The following CDH13 variants were observed in gnomAD, a reference collection of about 807,000 sequenced individuals.
CDH13 encodes cadherin-13.
Under a neutral mutation model 63.8 loss-of-function variants are expected in CDH13, and 24 were observed. The ratio of observed to expected loss-of-function variants is 0.38; its 90% CI spans 0.27 to 0.53. CDH13 has a LOEUF of 0.53. CDH13 is among the 20% of genes least tolerant of loss of function. The probability of loss-of-function intolerance (pLI) is 0.85; values close to 1 mark genes in which losing one functional copy is unlikely to be tolerated. For missense variants in CDH13, 1,049 were observed against 903.1 expected, an observed-to-expected ratio of 1.16 and a Z score of -2.07; for synonymous variants, 503 against 355.3, an observed-to-expected ratio of 1.42 and a Z score of -4.67.
intron 7 of CDH13, among the ~76,000 whole-genome samples, chr16:83,546,797 C>T (rs933011209): frequency 3.3e-5 from 5 of 152,168 alleles, no homozygotes; most frequent in Non-Finnish European, 5.9e-5. Context: ...CAGTTGATGT[C>T]AGTTGGTGCC....
rs139555793 is a variant in CDH13 at position 82,944,615 on chromosome 16, T to C, written c.157+86142T>C. Among the ~76,000 whole-genome samples the C allele has an allele frequency of 3.5e-3, 536 of 152,258 alleles. 5 individuals carry two copies. Among genetic ancestry groups the C allele is most frequent in the African/African-American group, 0.012 (511 of 41,540 alleles). ...CAGGGGTGGTGTTAACATCCTACAA[T>C]ATACAGGACTGCCTATCATAGCAGA... On this transcript the variant is annotated intron_variant, in intron 2 of 13. Coordinates refer to ENST00000567109, the MANE Select transcript of CDH13 (RefSeq NM_001257.5).
Position 82,719,600 on chromosome 16 carries a change from C to T in CDH13, c.45+92463C>T, listed in dbSNP as rs182392612. On this transcript the variant is annotated intron_variant, in intron 1 of 13. Coordinates refer to ENST00000567109, the MANE Select transcript of CDH13 (RefSeq NM_001257.5). ...GTGGCTTGTGTCTGTAATCCCAGCA[C>T]TTTGACAAGCCAAGGTGGGTGGATC... The T allele has an allele frequency of 8.5e-4, 299 of 353,278 alleles. 2 individuals are homozygous for T. The highest frequency in any genetic ancestry group is 5.8e-3 in the African/African-American group (273 of 46,878). 21.9% of individuals were successfully genotyped at this position (353,278 alleles called of 1,614,324 possible).
Position 83,027,919 on chromosome 16 carries a change from C to A in CDH13, c.158-4091C>A, listed in dbSNP as rs140758325. 3.5e-3 allele frequency among the ~76,000 whole-genome samples: 533 copies of A among 152,296 alleles called. 7 individuals are homozygous for A. Among genetic ancestry groups the A allele is most frequent in the African/African-American group, 0.012 (510 of 41,554 alleles). The stretch of plus-strand genomic sequence containing the variant: ...TCTGTCTTCCACATTAGACTTCAAA[C>A]TAGGGACTGTGCCTGTCTTTGTTCA... On this transcript the variant is annotated intron_variant, in intron 2 of 13. Coordinates refer to ENST00000567109, the MANE Select transcript of CDH13 (RefSeq NM_001257.5).
At chr16:83,682,847 C>G (rs1054571704) in intron 10 of CDH13, among the ~76,000 whole-genome samples, 5 of 152,224 alleles carry the variant, frequency 3.3e-5, no homozygotes, top group Admixed American at 2.0e-4. Flanking sequence ...GATCCTGCAG[C>G]AGGGCCTGCC....
At chr16:82,853,262 C>T (rs1389422940) in intron 1 of CDH13, among the ~76,000 whole-genome samples, 1 of 152,160 alleles carries the variant, frequency 6.6e-6, no homozygotes, top group Non-Finnish European at 1.5e-5. Context: ...TGATTCCCTG[C>T]TATGTCCCTG....
At chr16:83,504,248 G>T (rs1055410249) in intron 7 of CDH13, among the ~76,000 whole-genome samples, 1 of 152,124 alleles carries the variant, frequency 6.6e-6, no homozygotes, top group East Asian at 1.9e-4. Flanking sequence ...TGAAGCACAG[G>T]GCACTAGAGA....
At chr16:83,314,567 T>A (rs112836097) in intron 5 of CDH13, among the ~76,000 whole-genome samples, 4,592 of 151,732 alleles carry the variant, frequency 0.03, 85 homozygotes, top group Non-Finnish European at 0.045. Flanking sequence ...TAAAAAAAAA[T>A]ACGGTATTTT....
At chr16:82,843,040 G>T (rs946960762) in intron 1 of CDH13, among the ~76,000 whole-genome samples, 1 of 152,172 alleles carries the variant, frequency 6.6e-6, no homozygotes, top group Admixed American at 6.5e-5. Flanking sequence ...ATGTGGTCCG[G>T]TTCCTAAAAG....
At chr16:82,683,008 C>G (rs1439341040) in intron 1 of CDH13, among the ~76,000 whole-genome samples, 1 of 152,190 alleles carries the variant, frequency 6.6e-6, no homozygotes, top group Non-Finnish European at 1.5e-5. Context: ...CAAGTTCCAG[C>G]CCCCACTTAT....
At chr16:83,306,620 C>A (rs2089886252) in intron 5 of CDH13, among the ~76,000 whole-genome samples, 1 of 152,124 alleles carries the variant, frequency 6.6e-6, no homozygotes, top group Non-Finnish European at 1.5e-5. Flanking sequence ...TATAATAATT[C>A]TGTAATTATT....
At chr16:83,783,496 A>C in intron 13 of CDH13, 24 bp downstream of exon 13, 2 of 1,573,934 alleles carry the variant, frequency 1.3e-6, no homozygotes, top group Non-Finnish European at 1.7e-6. Context: ...ACTCCAGTGC[A>C]TGCACAAACA....
intron 7 of CDH13, among the ~76,000 whole-genome samples, chr16:83,488,294 G>C (rs2073939072): frequency 6.6e-6 from 1 of 152,054 alleles, no homozygotes; most frequent in African/African-American, 2.4e-5. Context: ...CAGAGACTGT[G>C]GTCATATGCA....
chr16:83,647,099 A>G (rs1353558569), intron 8 of CDH13, among the ~76,000 whole-genome samples: 2 of 152,028 alleles, frequency 1.3e-5, no homozygotes, highest in African/African-American at 4.8e-5. Context: ...TCACGAGGTC[A>G]GGAGATCGAG....
chr16:83,784,554 C>T (rs1004141778), intron 13 of CDH13, among the ~76,000 whole-genome samples: 4 of 151,426 alleles, frequency 2.6e-5, no homozygotes, highest in African/African-American at 9.7e-5. Flanking sequence ...ATCACTTGAA[C>T]CCGGGAGGCG....
chr16:83,267,551 G>T (rs779209789), intron 5 of CDH13, among the ~76,000 whole-genome samples: 1 of 152,142 alleles, frequency 6.6e-6, no homozygotes, highest in Non-Finnish European at 1.5e-5. Flanking sequence ...AGGTCATGGG[G>T]GCTCCACCCT....
intron 5 of CDH13, among the ~76,000 whole-genome samples, chr16:83,313,440 A>G (rs1478761209): frequency 1.3e-5 from 2 of 152,178 alleles, no homozygotes; most frequent in Non-Finnish European, 2.9e-5. Flanking sequence ...AGCTATCCAG[A>G]AATCTAACAA....
rs551996592 is a variant in CDH13, at chr16:83,005,354, C to A, written c.158-26656C>A. Among the ~76,000 whole-genome samples the A allele has an allele frequency of 6.6e-5, 10 of 152,270 alleles. 1 individual carries two copies. The South Asian group carries it at 2.1e-3, about 32-fold the overall frequency. The stretch of plus-strand genomic sequence containing the variant: ...CCCCTCCTCACTCTTTCTCCCTGTT[C>A]ATTCTCATCTCTTTCCAGTTCCTTA... On this transcript the variant is annotated intron_variant, in intron 2 of 13. Transcript: ENST00000567109.
At chr16:82,955,878 C>T (rs1417679625) in intron 2 of CDH13, among the ~76,000 whole-genome samples, 1 of 152,162 alleles carries the variant, frequency 6.6e-6, no homozygotes, top group Non-Finnish European at 1.5e-5. Flanking sequence ...AATAAAGAGA[C>T]AAAGAATGCC....
At chr16:83,107,811 T>G (rs1409297901) in intron 3 of CDH13, among the ~76,000 whole-genome samples, 1 of 151,990 alleles carries the variant, frequency 6.6e-6, no homozygotes, top group Non-Finnish European at 1.5e-5. Flanking sequence ...CTTTTTTCTT[T>G]TCTTTTCCTT....
Sources: allele counts gnomAD v4.1 joint callset (sites outside exome capture counted in the v4.1 genomes callset), GRCh38; gene constraint gnomAD v4.1.1; transcripts MANE v1.5; gene names NCBI Gene and HGNC (gene_info 2026-07-23, HGNC 2026-07-21).